The following VAV2 variants were observed in gnomAD, a reference collection of about 807,000 sequenced individuals.
VAV2 encodes the protein vav guanine nucleotide exchange factor 2.
A neutral mutation model predicts 132.5 loss-of-function variants in VAV2; 67 were observed. That is an observed-to-expected ratio of 0.51 (90% CI 0.42 to 0.62). VAV2 has a LOEUF of 0.62. Ranked by LOEUF, VAV2 falls within the 20% of genes least tolerant of loss-of-function variation. The pLI, the probability that VAV2 is intolerant of heterozygous loss-of-function variation, is 0.00. For synonymous variants in VAV2, 492 were observed against 443.5 expected (o/e 1.11, Z -1.37); for missense variants, 938 against 1,153.6 (o/e 0.81, Z 2.71).
Position 133,885,734 on chromosome 9 carries a change from G to A in VAV2, c.322-24302C>T, listed in dbSNP as rs12001657. On this transcript the variant is annotated intron_variant, in intron 2 of 29. Coordinates refer to ENST00000371850, the MANE Select transcript of VAV2 (RefSeq NM_001134398.2). The surrounding 1 kb of genome is among the most constrained non-coding windows in gnomAD (Gnocchi z 5.0). Reference sequence around the variant, plus strand: ...GATGCTCAGCTGCCCCAAGATGGAGGTGGGCACACGCTCCATGCCATCTCC... The same window carrying A: ...GATGCTCAGCTGCCCCAAGATGGAGATGGGCACACGCTCCATGCCATCTCC... Among the ~76,000 whole-genome samples, 155 of 152,224 alleles carry A rather than the reference G, an allele frequency of 1.0e-3. No individual in the cohort carries two copies. The highest frequency in any genetic ancestry group is 3.4e-3 in the African/African-American group (140 of 41,522).
chr9:133,813,421 T>A (rs1835434877), intron 4 of VAV2, among the ~76,000 whole-genome samples: 1 of 152,228 alleles, frequency 6.6e-6, no homozygotes, highest in South Asian at 2.1e-4. Context: ...ACCTCGCCTT[T>A]GAATATCAGC....
rs766057838 is a variant in VAV2 at position 133,788,474 on chromosome 9, C to T, written c.1287G>A (p.Leu429=). 3.1e-6 allele frequency: 5 copies of T among 1,609,512 alleles called. No individual in the cohort carries two copies. Among genetic ancestry groups the T allele is most frequent in the Non-Finnish European group, 3.4e-6 (4 of 1,176,358 alleles). The change falls in exon 15 of 30, where the codon CTG becomes CTA. Residue 429 remains leucine, a synonymous_variant. Coordinates refer to ENST00000371850, the MANE Select transcript of VAV2 (RefSeq NM_001134398.2). The surrounding 1 kb of genome is among the most constrained non-coding windows in gnomAD (Gnocchi z 5.3). Reference sequence around the variant, plus strand: ...TGCAGACGATGACCACCTTGTCAAACAGGAACAAGTACCTGGGCCAGGCAG... The same window carrying T: ...TGCAGACGATGACCACCTTGTCAAATAGGAACAAGTACCTGGGCCAGGCAG... ...NHTKQDRYLF[L]FDKVVIVCKR...
At chr9:133,948,742 G>A (rs1841455210) in intron 1 of VAV2, among the ~76,000 whole-genome samples, 1 of 152,216 alleles carries the variant, frequency 6.6e-6, no homozygotes, top group Admixed American at 6.5e-5. Context: ...ATAACAAACA[G>A]CGCCCGCTGA....
At position 133,824,101 on chromosome 9, in the gene VAV2, C is replaced by T. The variant is rs1018227319; in HGVS notation, c.449+10171G>A. Among the ~76,000 whole-genome samples the T allele has an allele frequency of 5.3e-5, 8 of 152,126 alleles. No individual in the cohort carries two copies. Among genetic ancestry groups the T allele is most frequent in the African/African-American group, 1.9e-4 (8 of 41,418 alleles). ...AGTACCAAGGGGCCCACAAGATGTC[C>T]GAGGGGGGCAGGGAGGGTCCCTGAA... On this transcript the variant is annotated intron_variant, in intron 4 of 29. Transcript: ENST00000371850. This position sits in a 1 kb window ranked among gnomAD's most constrained non-coding sequence, Gnocchi z 5.2.
At chr9:133,814,340 G>A (rs1835473536) in intron 4 of VAV2, among the ~76,000 whole-genome samples, 1 of 152,236 alleles carries the variant, frequency 6.6e-6, no homozygotes, top group African/African-American at 2.4e-5. Context: ...AGGGATGCAG[G>A]CAAGTGACTG....
chr9:133,791,765 A>T lies in VAV2; in HGVS notation c.1188+18T>A, dbSNP rs376136319. 1.2e-6 allele frequency: 2 copies of T among 1,609,436 alleles called. No individual in the cohort carries two copies. Among genetic ancestry groups the T allele is most frequent in the African/African-American group, 1.3e-5 (1 of 74,804 alleles). On this transcript the variant is annotated intron_variant, in intron 13 of 29. Coordinates refer to ENST00000371850, the MANE Select transcript of VAV2 (RefSeq NM_001134398.2). ...TCCTCATCGACCTTCCCTAGCCTGAAGAGTCAGTCTCACTCACCAAATTTT... is the reference window on the plus strand; with the variant it reads ...TCCTCATCGACCTTCCCTAGCCTGATGAGTCAGTCTCACTCACCAAATTTT...
intron 3 of VAV2, among the ~76,000 whole-genome samples, chr9:133,844,377 C>T (rs1836847550): frequency 6.6e-6 from 1 of 152,200 alleles, no homozygotes. Flanking sequence ...CAGCCCTCTT[C>T]CCAGGGAACA....
At chr9:133,805,491 C>G (rs1250151394) in intron 9 of VAV2, among the ~76,000 whole-genome samples, 1 of 152,112 alleles carries the variant, frequency 6.6e-6, no homozygotes, top group Admixed American at 6.6e-5. Flanking sequence ...TGTCTAACCC[C>G]CAGAAACGCC....
At chr9:133,820,949 A>G (rs1835763759) in intron 4 of VAV2, among the ~76,000 whole-genome samples, 1 of 152,100 alleles carries the variant, frequency 6.6e-6, no homozygotes, top group African/African-American at 2.4e-5. Flanking sequence ...CCAGAGCGCC[A>G]GCCCCACATG....
intron 3 of VAV2, among the ~76,000 whole-genome samples, chr9:133,850,569 T>C (rs1171828409): frequency 2.0e-5 from 3 of 152,220 alleles, no homozygotes; most frequent in Non-Finnish European, 4.4e-5. Flanking sequence ...AGGAAAGTGA[T>C]GCTTTCTGGG....
At chr9:133,783,877 G>GTTTTT (rs56069048) in intron 18 of VAV2, among the ~76,000 whole-genome samples, 1 of 85,162 alleles carries the variant, frequency 1.2e-5, no homozygotes, top group African/African-American at 4.5e-5. Context: ...TGGCTGGGCC[G>GTTTTT]TTTTTTTTTT....
At chr9:133,832,445 G>C (rs1836298890) in intron 4 of VAV2, among the ~76,000 whole-genome samples, 1 of 152,226 alleles carries the variant, frequency 6.6e-6, no homozygotes, top group Non-Finnish European at 1.5e-5. Flanking sequence ...CCACCAGCCA[G>C]AAGCCCTGCC....
Position 133,791,765 on chromosome 9 carries a change from AG to A in VAV2, c.1188+17del. 6.2e-7 allele frequency: 1 copy of A among 1,609,554 alleles called. No individual in the cohort carries two copies. The stretch of plus-strand genomic sequence containing the variant: ...TCCTCATCGACCTTCCCTAGCCTGA[AG>A]AGTCAGTCTCACTCACCAAATTTTC... On this transcript the variant is annotated intron_variant, in intron 13 of 29. Transcript: ENST00000371850.
intron 4 of VAV2, among the ~76,000 whole-genome samples, chr9:133,822,609 G>T (rs1835836700): frequency 6.6e-6 from 1 of 152,146 alleles, no homozygotes; most frequent in Admixed American, 6.5e-5. Flanking sequence ...GGGAAACCAG[G>T]GCTCAGAGAG....
chr9:133,896,837 G>A (rs1839224375), intron 2 of VAV2, among the ~76,000 whole-genome samples: 2 of 152,238 alleles, frequency 1.3e-5, no homozygotes, highest in South Asian at 2.1e-4. Context: ...GCTCACGCCT[G>A]TAATCCTAGC....
At chr9:133,902,973 G>A (rs1254269453) in intron 2 of VAV2, among the ~76,000 whole-genome samples, 2 of 151,580 alleles carry the variant, frequency 1.3e-5, no homozygotes, top group African/African-American at 2.4e-5. Context: ...TACTAGGGAG[G>A]CTAAGGCAAG....
intron 3 of VAV2, among the ~76,000 whole-genome samples, chr9:133,852,002 T>TGGATGGATGGATGTGTGGTGGAA (rs1837205322): frequency 4.6e-5 from 7 of 150,738 alleles, no homozygotes; most frequent in Non-Finnish European, 7.4e-5. Flanking sequence ...GATGGATACA[T>TGGATGGATGGATGTGTGGTGGAA]GGATGGATGG....
rs1838536019 is a variant in VAV2 at position 133,882,432 on chromosome 9, AC to A, written c.322-21001del. Among the ~76,000 whole-genome samples the A allele has an allele frequency of 2.0e-5, 3 of 152,282 alleles. No homozygotes were observed. The East Asian group carries it at 5.8e-4, about 29-fold the overall frequency. On this transcript the variant is annotated intron_variant, in intron 2 of 29. Transcript: ENST00000371850. ...GTCCTTCCTGGAACCTCAGAATGCC[AC>A]CTTCTTTGGAAATAGGATCACAGCG...
At chr9:133,849,328 T>C (rs1180961820) in intron 3 of VAV2, among the ~76,000 whole-genome samples, 1 of 152,174 alleles carries the variant, frequency 6.6e-6, no homozygotes, top group Non-Finnish European at 1.5e-5. Context: ...CCCCACCAGC[T>C]GCGGGCCTCC....
Sources: allele counts gnomAD v4.1 joint callset (sites outside exome capture counted in the v4.1 genomes callset), GRCh38; gene constraint gnomAD v4.1.1; non-coding constraint Gnocchi (gnomAD v3.1); transcripts MANE v1.5; gene names NCBI Gene and HGNC (gene_info 2026-07-23, HGNC 2026-07-21).